Variants in RNF220 observed in about 807,000 individuals in gnomAD.
RNF220 encodes the protein ring finger protein 220.
Under a neutral mutation model 67.1 loss-of-function variants are expected in RNF220, and 7 were observed. That is an observed-to-expected ratio of 0.10 (90% CI 0.06 to 0.20). The LOEUF is 0.20. Among genes scored for constraint, RNF220 ranks in the 10% least tolerant of loss-of-function variants. RNF220 has a pLI of 1.00. For synonymous variants in RNF220, 270 were observed against 283.2 expected, an observed-to-expected ratio of 0.95 and a Z score of 0.47; for missense variants, 565 against 740.3, an observed-to-expected ratio of 0.76 and a Z score of 2.75.
intron 2 of RNF220, among the ~76,000 whole-genome samples, chr1:44,505,989 C>T (rs745973828): frequency 2.0e-5 from 3 of 152,132 alleles, no homozygotes; most frequent in South Asian, 2.1e-4. Context: ...CATCATACCC[C>T]CTTATTTCCT....
At chr1:44,587,052 G>A (rs1173488226) in intron 2 of RNF220, among the ~76,000 whole-genome samples, 1 of 149,686 alleles carries the variant, frequency 6.7e-6, no homozygotes, top group East Asian at 2.0e-4. Context: ...TTAACAACAT[G>A]GGCAAATTCC....
chr1:44,610,963 C>A (rs1198074612), intron 2 of RNF220, among the ~76,000 whole-genome samples: 1 of 152,160 alleles, frequency 6.6e-6, no homozygotes, highest in Non-Finnish European at 1.5e-5. Flanking sequence ...CTTCAGGGAG[C>A]TGTATTCTGG....
At position 44,565,110 on chromosome 1, in the gene RNF220, C is replaced by G. The variant is rs2148300052; in HGVS notation, c.626-49055C>G. The stretch of plus-strand genomic sequence containing the variant: ...GGCCTGGCCTTAGGACATGCTTGGT[C>G]AGCACTCCGTGAATAAATGAATGAG... On this transcript the variant is annotated intron_variant, in intron 2 of 14. Coordinates refer to ENST00000361799, the MANE Select transcript of RNF220 (RefSeq NM_018150.4). The surrounding 1 kb of genome is among the most constrained non-coding windows in gnomAD (Gnocchi z 4.2). Among the ~76,000 whole-genome samples, 1 of 152,328 alleles carries G rather than the reference C, an allele frequency of 6.6e-6. No homozygotes were observed. The highest frequency in any genetic ancestry group is 1.9e-4 in the East Asian group (1 of 5,188).
intron 2 of RNF220, among the ~76,000 whole-genome samples, chr1:44,543,307 G>A (rs924475576): frequency 6.6e-6 from 1 of 151,902 alleles, no homozygotes; most frequent in Non-Finnish European, 1.5e-5. Flanking sequence ...GTTGGCTAGT[G>A]TTGTTGACAT....
chr1:44,432,081 T>C (rs1228407524), intron 2 of RNF220, among the ~76,000 whole-genome samples: 1 of 152,190 alleles, frequency 6.6e-6, no homozygotes, highest in African/African-American at 2.4e-5. Flanking sequence ...TGCGACATTA[T>C]ACTCCTATTG....
At chr1:44,531,037 T>C (rs968752014) in intron 2 of RNF220, among the ~76,000 whole-genome samples, 1 of 152,132 alleles carries the variant, frequency 6.6e-6, no homozygotes, top group Non-Finnish European at 1.5e-5. Flanking sequence ...TTTTGGACAT[T>C]AGAGATTTAC....
intron 2 of RNF220, among the ~76,000 whole-genome samples, chr1:44,534,275 T>A (rs1661042180): frequency 6.6e-6 from 1 of 152,022 alleles, no homozygotes; most frequent in Non-Finnish European, 1.5e-5. Context: ...CCATTGCACC[T>A]GGCCTGAGCT....
chr1:44,418,189 G>C (rs1418096235), intron 2 of RNF220, among the ~76,000 whole-genome samples: 1 of 152,210 alleles, frequency 6.6e-6, no homozygotes, highest in Non-Finnish European at 1.5e-5. Flanking sequence ...GGTGCACGGG[G>C]CGTGAGGGGG....
intron 2 of RNF220, among the ~76,000 whole-genome samples, chr1:44,481,089 C>T (rs1655760935): frequency 6.6e-6 from 1 of 152,024 alleles, no homozygotes; most frequent in Non-Finnish European, 1.5e-5. Context: ...AAAATGTATG[C>T]AGCAGATGTA....
rs1325966214 is a variant in RNF220, at chr1:44,457,080, C to T, written c.625+44358C>T. Reference sequence around the variant, plus strand: ...CCAATGTTAATTCCTTAGAGTTTTCCCAACCGTTTCCCCTTCCCTGCAAGC... The same window carrying T: ...CCAATGTTAATTCCTTAGAGTTTTCTCAACCGTTTCCCCTTCCCTGCAAGC... On this transcript the variant is annotated intron_variant, in intron 2 of 14. Coordinates refer to ENST00000361799, the MANE Select transcript of RNF220 (RefSeq NM_018150.4). 6.6e-5 allele frequency among the ~76,000 whole-genome samples: 10 copies of T among 152,066 alleles called. No individual in the cohort carries two copies. In the East Asian group the frequency reaches 1.7e-3, roughly 26 times the overall value.
chr1:44,456,034 A>G (rs1653138179), intron 2 of RNF220, among the ~76,000 whole-genome samples: 1 of 152,194 alleles, frequency 6.6e-6, no homozygotes. Context: ...GCTTGTGAAA[A>G]TATTGCTAGA....
chr1:44,419,442 G>C (rs973872670), intron 2 of RNF220: 4 of 152,172 alleles, frequency 2.6e-5, no homozygotes, highest in African/African-American at 9.7e-5. Context: ...GTAAACAGAA[G>C]GAATTTATCA....
intron 2 of RNF220, among the ~76,000 whole-genome samples, chr1:44,441,300 G>C (rs185330649): frequency 2.0e-5 from 3 of 152,214 alleles, no homozygotes; most frequent in Admixed American, 2.0e-4. Flanking sequence ...AGTCATGCCT[G>C]GCAGGATGTT....
intron 2 of RNF220, among the ~76,000 whole-genome samples, chr1:44,518,886 A>G (rs1343827313): frequency 1.4e-5 from 2 of 147,164 alleles, no homozygotes; most frequent in African/African-American, 5.1e-5. Flanking sequence ...AAAACAAAAA[A>G]AACAAAAAAA....
chr1:44,442,029 C>T (rs72893879), intron 2 of RNF220, among the ~76,000 whole-genome samples: 5,067 of 152,262 alleles, frequency 0.033, 285 homozygotes, highest in African/African-American at 0.12. Context: ...CTAATGAAAC[C>T]CAAAATTATA....
In RNF220 at chr1:44,635,680, C is replaced by T. The variant is rs769492216; in HGVS notation, c.993+92C>T. ...TGCCTTTCTAAGGTAGAGGGGCCAT[C>T]ACCACCCACCTTCCTTCCCCGCTCC... On this transcript the variant is annotated intron_variant, in intron 7 of 14. Transcript: ENST00000361799. 5.0e-6 allele frequency: 8 copies of T among 1,601,020 alleles called. No individual in the cohort carries two copies. The African/African-American group carries it at 9.4e-5, about 19-fold the overall frequency.
intron 2 of RNF220, among the ~76,000 whole-genome samples, chr1:44,588,940 C>T (rs1665908778): frequency 6.6e-6 from 1 of 152,256 alleles, no homozygotes; most frequent in African/African-American, 2.4e-5. Context: ...CCTCACCCTG[C>T]CTGTCATGTG....
In RNF220 at chr1:44,561,733, ACGGT is replaced by A. The variant is rs555016184; in HGVS notation, c.626-52431_626-52428del. 3.3e-3 allele frequency among the ~76,000 whole-genome samples: 505 copies of A among 152,284 alleles called. 20 individuals carry two copies. The highest frequency in any genetic ancestry group is 0.032 in the Admixed American group (484 of 15,292). ...GGAGTTTGAGACCAGCCTGGACAAT[ACGGT>A]GAGACCCCGTCTCTACTAAAAATTA... On this transcript the variant is annotated intron_variant, in intron 2 of 14. Transcript: ENST00000361799.
chr1:44,588,826 G>A (rs1199367794), intron 2 of RNF220, among the ~76,000 whole-genome samples: 3 of 152,188 alleles, frequency 2.0e-5, no homozygotes, highest in Non-Finnish European at 4.4e-5. Flanking sequence ...CATGACTACC[G>A]AGGCTGGGGT....
Sources: allele counts gnomAD v4.1 joint callset (sites outside exome capture counted in the v4.1 genomes callset), GRCh38; gene constraint gnomAD v4.1.1; non-coding constraint Gnocchi (gnomAD v3.1); transcripts MANE v1.5; gene names NCBI Gene and HGNC (gene_info 2026-07-23, HGNC 2026-07-21).